Variants in RGS5 observed in about 807,000 individuals in gnomAD.
RGS5 encodes regulator of G protein signaling 5.
In RGS5, 20 loss-of-function variants were observed where a neutral mutation model predicts 18.9. The observed-to-expected ratio is 1.06, with a 90% CI of 0.74 to 1.54. RGS5 has a LOEUF of 1.54. Ranked by LOEUF, RGS5 falls within the 40% of genes most tolerant of loss-of-function variation. RGS5 has a pLI of 0.00. For synonymous variants in RGS5, 57 were observed against 76.2 expected (o/e 0.75, Z 1.31); for missense variants, 201 against 211.8 (o/e 0.95, Z 0.32).
At chr1:163,280,545 T>C (rs1206259581) in intron 2 of RGS5, among the ~76,000 whole-genome samples, 1 of 151,816 alleles carries the variant, frequency 6.6e-6, no homozygotes, top group African/African-American at 2.4e-5. Context: ...TACCAAGAAA[T>C]AGATTTAACT....
intron 2 of RGS5, among the ~76,000 whole-genome samples, chr1:163,251,537 C>T (rs1263773080): frequency 6.6e-6 from 1 of 152,036 alleles, no homozygotes; most frequent in Admixed American, 6.6e-5. Flanking sequence ...TTGGACTTCT[C>T]ATCTTTTCTA....
chr1:163,213,293 ATTAAAAC>A (rs1241450504), intron 1 of RGS5, among the ~76,000 whole-genome samples: 1 of 152,242 alleles, frequency 6.6e-6, no homozygotes, highest in Non-Finnish European at 1.5e-5. Context: ...TAAAGGAAAA[ATTAAAAC>A]TTAAGTTTCC....
intron 2 of RGS5, among the ~76,000 whole-genome samples, chr1:163,292,468 T>G (rs1211799868): frequency 6.6e-6 from 1 of 152,252 alleles, no homozygotes; most frequent in Non-Finnish European, 1.5e-5. Context: ...TGAATAGTGA[T>G]GCAATGAACA....
intron 1 of RGS5, among the ~76,000 whole-genome samples, chr1:163,307,635 G>A (rs546388682): frequency 5.9e-5 from 9 of 152,062 alleles, no homozygotes; most frequent in African/African-American, 2.2e-4. Context: ...AAAAAAAAAG[G>A]AGCTTTAGTA....
At chr1:163,316,901 A>C (rs916442901) in intron 1 of RGS5, among the ~76,000 whole-genome samples, 1 of 152,316 alleles carries the variant, frequency 6.6e-6, no homozygotes. Flanking sequence ...AACAAATACT[A>C]ATTGAGTGTG....
chr1:163,313,245 A>G (rs531317361), intron 1 of RGS5, among the ~76,000 whole-genome samples: 2 of 152,312 alleles, frequency 1.3e-5, no homozygotes, highest in Admixed American at 1.3e-4. Context: ...CTTTAAAAAA[A>G]ATTAATCCTC....
intron 2 of RGS5, among the ~76,000 whole-genome samples, chr1:163,251,915 T>A (rs1648116658): frequency 6.6e-6 from 1 of 152,172 alleles, no homozygotes. Flanking sequence ...TTGAAAGGCA[T>A]TTGAGTTGTT....
At chr1:163,244,951 G>A (rs1388176801) in intron 2 of RGS5, 1 of 152,124 alleles carries the variant, frequency 6.6e-6, no homozygotes, top group Non-Finnish European at 1.5e-5. Context: ...ATGCCATAAG[G>A]GCTCATAGAT....
chr1:163,162,638 T>C (rs1366047296), intron 2 of RGS5: 2 of 151,986 alleles, frequency 1.3e-5, no homozygotes, highest in Non-Finnish European at 2.9e-5. Flanking sequence ...TGAACAGGAA[T>C]GTTATACACA....
intron 1 of RGS5, among the ~76,000 whole-genome samples, chr1:163,178,147 A>G (rs1207766266): frequency 6.6e-6 from 1 of 152,012 alleles, no homozygotes; most frequent in Non-Finnish European, 1.5e-5. Flanking sequence ...CGTCTCTTCT[A>G]AAAATACAAA....
At chr1:163,247,430 A>T (rs2254699) in intron 2 of RGS5, among the ~76,000 whole-genome samples, 115,939 of 151,690 alleles carry the variant, frequency 0.76, 45,682 homozygotes, top group African/African-American at 0.94. Flanking sequence ...TTAGATCAAT[A>T]TAATATGTAA....
intron 2 of RGS5, among the ~76,000 whole-genome samples, chr1:163,236,366 T>C: frequency 6.8e-6 from 1 of 147,880 alleles, no homozygotes; most frequent in Admixed American, 6.8e-5. Context: ...AAGTGGTGTT[T>C]CTGAGTGAAT....
At chr1:163,203,077 T>A (rs570368305), upstream of RGS5, 4 of 484,680 alleles carry the variant, frequency 8.3e-6, no homozygotes, top group Non-Finnish European at 1.5e-5. Context: ...GGCACTACTG[T>A]GGCATAAGGC....
intron 1 of RGS5, among the ~76,000 whole-genome samples, chr1:163,320,211 T>C (rs1650151013): frequency 1.3e-5 from 2 of 152,208 alleles, no homozygotes; most frequent in South Asian, 4.1e-4. Context: ...AATTTAGACA[T>C]TTGTTGAGCA....
At chr1:163,208,508 C>T (rs1315115822) in intron 1 of RGS5, among the ~76,000 whole-genome samples, 3 of 117,852 alleles carry the variant, frequency 2.5e-5, no homozygotes, top group African/African-American at 3.2e-5. Flanking sequence ...GAACAAGACT[C>T]CACCTCCATT....
chr1:163,277,903 C>T (rs557007987), intron 2 of RGS5, among the ~76,000 whole-genome samples: 55 of 152,056 alleles, frequency 3.6e-4, no homozygotes, highest in Middle Eastern at 3.4e-3. Context: ...ATAGCTTCAA[C>T]AATAGACTAG....
At chr1:163,258,669 G>T (rs1426177800) in intron 2 of RGS5, among the ~76,000 whole-genome samples, 1 of 139,670 alleles carries the variant, frequency 7.2e-6, no homozygotes, top group Non-Finnish European at 1.6e-5. Flanking sequence ...GTGTGTGTGT[G>T]TGTGTACAAT....
intron 2 of RGS5, among the ~76,000 whole-genome samples, chr1:163,166,377 G>C (rs1262909247): frequency 1.3e-5 from 2 of 152,056 alleles, no homozygotes; most frequent in Non-Finnish European, 2.9e-5. Flanking sequence ...GTAACCCAAA[G>C]AATATGAGAA....
intron 4 of RGS5, among the ~76,000 whole-genome samples, chr1:163,147,918 CTTTTTTTTTTTTTT>C (rs534448527): frequency 3.8e-5 from 3 of 78,092 alleles, no homozygotes; most frequent in Non-Finnish European, 6.6e-5. Context: ...TTTTCTTTTT[CTTTTTTTTTTTTTT>C]TTTTTTTTGT....
Sources: allele counts gnomAD v4.1 joint callset (sites outside exome capture counted in the v4.1 genomes callset), GRCh38; gene constraint gnomAD v4.1.1; transcripts MANE v1.5; gene names NCBI Gene and HGNC (gene_info 2026-07-23, HGNC 2026-07-21).